Variants in DPY19L2 observed in about 807,000 individuals in gnomAD.
DPY19L2 encodes probable C-mannosyltransferase DPY19L2.
Under a neutral mutation model 97.9 loss-of-function variants are expected in DPY19L2, and 34 were observed. The observed-to-expected ratio is 0.35, with a 90% CI of 0.26 to 0.46. DPY19L2 has a LOEUF of 0.46. Among genes scored for constraint, DPY19L2 ranks in the 20% least tolerant of loss-of-function variants. The probability of loss-of-function intolerance (pLI) is 1.00; values close to 1 mark genes in which losing one functional copy is unlikely to be tolerated. For missense variants in DPY19L2, 623 were observed against 911.4 expected, an observed-to-expected ratio of 0.68 and a Z score of 4.07; for synonymous variants, 230 against 307.9, an observed-to-expected ratio of 0.75 and a Z score of 2.65.
At chr12:63,650,007 G>A (rs950401682) in intron 4 of DPY19L2, among the ~76,000 whole-genome samples, 6 of 151,884 alleles carry the variant, frequency 4.0e-5, no homozygotes, top group African/African-American at 1.2e-4. Flanking sequence ...GGATGCAAGG[G>A]TGGTTCAACA....
chr12:63,629,658 G>A (rs1359591089), intron 6 of DPY19L2, among the ~76,000 whole-genome samples: 2 of 152,158 alleles, frequency 1.3e-5, no homozygotes, highest in African/African-American at 4.8e-5. Flanking sequence ...TATTATCCAG[G>A]AGAACTTCCC....
chr12:63,559,296 A>C lies in DPY19L2; in HGVS notation c.*1216T>G, dbSNP rs1876068608. On this transcript the variant is annotated 3_prime_UTR_variant, in exon 22 of 22. Coordinates refer to ENST00000324472, the MANE Select transcript of DPY19L2 (RefSeq NM_173812.5). ...GTCTACTATAAGAGAACTAATCCAT[A>C]AAATTAAGGCATTTTGTTATTTCAA... The C allele has an allele frequency of 6.6e-6, 1 of 152,220 alleles. No individual in the cohort carries two copies. The highest frequency in any genetic ancestry group is 1.5e-5 in the Non-Finnish European group (1 of 68,026). The allele number at this position is 152,220 out of a possible 1,614,324, so 9.4% of individuals were successfully genotyped here.
chr12:63,617,565 G>A (rs922300099), intron 10 of DPY19L2, among the ~76,000 whole-genome samples, 175 bp from the exon 11 acceptor site: 4 of 151,944 alleles, frequency 2.6e-5, no homozygotes, highest in African/African-American at 9.7e-5. Flanking sequence ...TAAAATTCAA[G>A]ACCATAAACT....
In DPY19L2 at chr12:63,581,609, G is replaced by A. The variant is rs180999773; in HGVS notation, c.1726-773C>T. On this transcript the variant is annotated intron_variant, in intron 18 of 21. Coordinates refer to ENST00000324472, the MANE Select transcript of DPY19L2 (RefSeq NM_173812.5). ...AGCAATATTCCTGCCTCAGCCTCCT[G>A]AGTAGCTGGGATTACAGGCACACAC... is the stretch of plus-strand genomic sequence containing the variant. Among the ~76,000 whole-genome samples, 1,071 of 143,832 alleles carry A rather than the reference G, an allele frequency of 7.4e-3. 6 individuals are homozygous for A. The highest frequency in any genetic ancestry group is 0.027 in the African/African-American group (1,014 of 38,080). 94.4% of individuals were successfully genotyped at this position (143,832 alleles called of 152,430 possible).
intron 9 of DPY19L2, among the ~76,000 whole-genome samples, chr12:63,618,779 C>T (rs1032747161): frequency 1.3e-5 from 2 of 152,038 alleles, no homozygotes; most frequent in Non-Finnish European, 2.9e-5. Context: ...GCTTTTTACT[C>T]GCCTCTCCAA....
rs548046436 is a variant in DPY19L2 at position 63,626,119 on chromosome 12, A to G, written c.861+350T>C. Reference sequence around the variant, plus strand: ...TTAACTTTCTCTAAATTTAAATTTCATAACTTGTATGGTGAGGCTACCACC... The same window carrying G: ...TTAACTTTCTCTAAATTTAAATTTCGTAACTTGTATGGTGAGGCTACCACC... On this transcript the variant is annotated intron_variant, in intron 7 of 21. Transcript: ENST00000324472. 2.6e-5 allele frequency among the ~76,000 whole-genome samples: 4 copies of G among 151,552 alleles called. No homozygotes were observed. The South Asian group carries it at 8.3e-4, about 31-fold the overall frequency.
chr12:63,576,762 A>T (rs187612909), intron 19 of DPY19L2, among the ~76,000 whole-genome samples: 2,219 of 152,066 alleles, frequency 0.015, 24 homozygotes, highest in Non-Finnish European at 0.021. Flanking sequence ...TGAAAGCTAT[A>T]CAAAACTGGA....
chr12:63,663,692 C>T (rs1895971671), intron 3 of DPY19L2, 66 bp downstream of exon 3: 4 of 1,369,330 alleles, frequency 2.9e-6, no homozygotes, highest in Admixed American at 4.2e-5. Flanking sequence ...ATTCCTAATA[C>T]ATTTCTACCT....
intron 19 of DPY19L2, among the ~76,000 whole-genome samples, chr12:63,573,152 C>T (rs181199903): frequency 6.6e-5 from 10 of 152,112 alleles, no homozygotes; most frequent in Non-Finnish European, 1.3e-4. Flanking sequence ...TGTGGCCTTT[C>T]AGACAGAGAA....
At chr12:63,657,820 C>T (rs1481153465) in intron 4 of DPY19L2, among the ~76,000 whole-genome samples, 1 of 152,196 alleles carries the variant, frequency 6.6e-6, no homozygotes. Flanking sequence ...CATACCAGCT[C>T]ACACTAAGCC....
intron 4 of DPY19L2, among the ~76,000 whole-genome samples, chr12:63,655,783 T>C (rs1894893110): frequency 1.3e-5 from 2 of 152,112 alleles, no homozygotes; most frequent in Non-Finnish European, 2.9e-5. Flanking sequence ...GTGGCTCCTG[T>C]TCTCCCAGGC....
intron 2 of DPY19L2, among the ~76,000 whole-genome samples, chr12:63,664,820 G>T (rs1178602660): frequency 6.6e-6 from 1 of 152,106 alleles, no homozygotes; most frequent in Non-Finnish European, 1.5e-5. Context: ...TTCTTTACAT[G>T]TAGGCCATAT....
chr12:63,636,111 G>A (rs568112532), intron 6 of DPY19L2, among the ~76,000 whole-genome samples: 1 of 151,710 alleles, frequency 6.6e-6, no homozygotes, highest in Admixed American at 6.6e-5. Flanking sequence ...AGAAGGGGGG[G>A]CGGCCAATAT....
chr12:63,603,993 A>G (rs527316880), intron 12 of DPY19L2, among the ~76,000 whole-genome samples: 1 of 152,324 alleles, frequency 6.6e-6, no homozygotes, highest in East Asian at 1.9e-4. Flanking sequence ...ATCTACAACC[A>G]TCTGGTCTTT....
chr12:63,590,041 T>C (rs1282782601), intron 16 of DPY19L2, among the ~76,000 whole-genome samples: 4 of 151,956 alleles, frequency 2.6e-5, no homozygotes, highest in African/African-American at 9.7e-5. Flanking sequence ...GGCAGGAGAA[T>C]TGCTTGAACC....
chr12:63,572,630 C>T (rs1363187691), intron 19 of DPY19L2, among the ~76,000 whole-genome samples: 1 of 152,128 alleles, frequency 6.6e-6, no homozygotes, highest in African/African-American at 2.4e-5. Context: ...AGACCCAGTG[C>T]TGTGCTAGCT....
At chr12:63,606,107 C>A (rs1446436247) in intron 12 of DPY19L2, among the ~76,000 whole-genome samples, 1 of 151,740 alleles carries the variant, frequency 6.6e-6, no homozygotes, top group Non-Finnish European at 1.5e-5. Flanking sequence ...AATAGAAATC[C>A]AATTGATTTT....
intron 11 of DPY19L2, among the ~76,000 whole-genome samples, chr12:63,609,972 C>T (rs1409577930): frequency 6.6e-6 from 1 of 151,476 alleles, no homozygotes; most frequent in Non-Finnish European, 1.5e-5. Flanking sequence ...AGGCAACAAC[C>T]TAAATGCCCA....
chr12:63,568,120 G>A (rs530005792), intron 21 of DPY19L2, among the ~76,000 whole-genome samples: 102 of 151,916 alleles, frequency 6.7e-4, no homozygotes, highest in African/African-American at 2.3e-3. Flanking sequence ...TTATGCATGT[G>A]TTGAACTACT....
Sources: gnomAD v4.1 joint callset for allele counts (sites outside exome capture counted in the v4.1 genomes callset) on GRCh38, gnomAD v4.1.1 for gene constraint, MANE v1.5 for transcripts, NCBI Gene and HGNC (gene_info 2026-07-23, HGNC 2026-07-21) for gene names.